The following CHRNG variants were observed in gnomAD, a reference collection of about 807,000 sequenced individuals.
CHRNG encodes cholinergic receptor nicotinic gamma subunit.
In CHRNG, 72 loss-of-function variants were observed where a neutral mutation model predicts 65.2. That is an observed-to-expected ratio of 1.10 (90% CI 0.91 to 1.34). The LOEUF is 1.34. Ranked by LOEUF, CHRNG falls within the 40% of genes most tolerant of loss-of-function variation. The pLI is 0.00. For synonymous variants in CHRNG, 284 were observed against 290.2 expected (o/e 0.98, Z 0.22); for missense variants, 637 against 680.1 (o/e 0.94, Z 0.70).
intron 8 of CHRNG, 97 bp from the exon 9 acceptor site, chr2:232,543,488 C>T: frequency 8.5e-7 from 1 of 1,179,662 alleles, no homozygotes; most frequent in Admixed American, 2.0e-5. Flanking sequence ...CCACCCCCCC[C>T]ATCCTCAATT....
In CHRNG at chr2:232,544,876, C is replaced by G. The variant is rs748268862; in HGVS notation, c.1354C>G (p.Arg452Gly). The change falls in exon 11 of 12, where the codon CGG becomes GGG. Residue 452 changes from arginine to glycine, a missense_variant. Arg to Gly is a moderately radical substitution (Grantham distance 125, BLOSUM62 -2). Transcript: ENST00000651502. ...AGCCTGCAACCTCATTGCCTGTGCC[C>G]GGCACCAGCAGAGTCACTTTGACAA... ...VEACNLIACARHQQSHFDNGN... is the reference protein window; with the variant it reads ...VEACNLIACAGHQQSHFDNGN... The G allele has an allele frequency of 1.9e-6, 3 of 1,613,920 alleles. No individual in the cohort carries two copies. In the East Asian group the frequency reaches 6.7e-5, roughly 36 times the overall value.
At chr2:232,542,086 G>A (rs7594673) in intron 5 of CHRNG, among the ~76,000 whole-genome samples, 36 of 152,240 alleles carry the variant, frequency 2.4e-4, no homozygotes, top group African/African-American at 8.7e-4. Context: ...AGACACGGGG[G>A]TCCTCCTGAG....
chr2:232,543,406 T>C lies in CHRNG; in HGVS notation c.920+17T>C, dbSNP rs1459775539. ...CATCAGCAAGTAAGGCTGGTCTTCA[T>C]GTCCACCCGCCTATGCCACTCTCCC... On this transcript the variant is annotated intron_variant, in intron 8 of 11. Coordinates refer to ENST00000651502, the MANE Select transcript of CHRNG (RefSeq NM_005199.5). The C allele has an allele frequency of 1.3e-6, 2 of 1,556,412 alleles. No homozygotes were observed. Among genetic ancestry groups the C allele is most frequent in the African/African-American group, 1.4e-5 (1 of 73,860 alleles).
chr2:232,542,388 G>C (rs747371344), intron 5 of CHRNG, 35 bp from the exon 6 acceptor site: 6 of 1,450,694 alleles, frequency 4.1e-6, no homozygotes, highest in East Asian at 2.3e-5. Flanking sequence ...AGGTCCACCC[G>C]CTCACATTTA....
In CHRNG at chr2:232,547,092, CT is replaced by C. The variant is rs1559306648; in HGVS notation, c.*1377del. 6.6e-6 allele frequency among the ~76,000 whole-genome samples: 1 copy of C among 152,150 alleles called. No individual in the cohort carries two copies. The highest frequency in any genetic ancestry group is 2.4e-5 in the African/African-American group (1 of 41,448). On this transcript the variant is annotated 3_prime_UTR_variant, in exon 12 of 12. Coordinates refer to ENST00000651502, the MANE Select transcript of CHRNG (RefSeq NM_005199.5). ...ATGCTCCCTGAGGCTGTTCCCTCAT[CT>C]GTAAATAAGGTGCAAAAAATAATCC...
In CHRNG at chr2:232,542,439, A is replaced by G. The variant is rs1692036969; in HGVS notation, c.523A>G (p.Thr175Ala). The G allele has an allele frequency of 6.2e-7, 1 of 1,613,458 alleles. No individual in the cohort carries two copies. The highest frequency in any genetic ancestry group is 1.7e-5 in the Admixed American group (1 of 59,992). ...SLIFQSQTYS[T>A]NEIDLQLSQE... ...GACTCCCAGGTCCCAGACTTACAGC[A>G]CCAATGAGATTGATCTGCAGCTGAG... Residue 175 changes from threonine (T) to alanine (A), a missense_variant, in exon 6 of 12, where the codon ACC becomes GCC. By Grantham distance (58) the Thr-to-Ala change is moderately conservative (BLOSUM62 0). Transcript: ENST00000651502.
chr2:232,542,532 C>T lies in CHRNG; in HGVS notation c.604+12C>T, dbSNP rs1692038976. The T allele has an allele frequency of 6.3e-7, 1 of 1,584,238 alleles. No homozygotes were observed. Among genetic ancestry groups the T allele is most frequent in the Non-Finnish European group, 8.7e-7 (1 of 1,153,334 alleles). Reference sequence around the variant, plus strand: ...TGAGGCCTTCACAGGTAACCCCCACCCAAGGGCTCCCCAGGCAGCCTCATC... The same window carrying T: ...TGAGGCCTTCACAGGTAACCCCCACTCAAGGGCTCCCCAGGCAGCCTCATC... On this transcript the variant is annotated intron_variant, in intron 6 of 11. Coordinates refer to ENST00000651502, the MANE Select transcript of CHRNG (RefSeq NM_005199.5).
chr2:232,540,300 G>A lies in CHRNG; in HGVS notation c.196-81G>A. ...GAGTACTATCAAGAGGCTGGGGGAT[G>A]CTTGGCCCCATTGGTGGCCTGTGGG... On this transcript the variant is annotated intron_variant, in intron 2 of 11. Coordinates refer to ENST00000651502, the MANE Select transcript of CHRNG (RefSeq NM_005199.5). The surrounding 1 kb of genome is among the most constrained non-coding windows in gnomAD (Gnocchi z 4.2). The A allele has an allele frequency of 1.2e-6, 2 of 1,602,424 alleles. No homozygotes were observed. Among genetic ancestry groups the A allele is most frequent in the Non-Finnish European group, 1.7e-6 (2 of 1,169,540 alleles).
chr2:232,545,582 C>T lies in CHRNG; in HGVS notation c.1420C>T (p.Arg474Cys), dbSNP rs199767964. Residue 474 changes from arginine (R) to cysteine (C), a missense_variant, in exon 12 of 12, where the codon CGC (arginine) becomes TGC (cysteine). By Grantham distance (180) the Arg-to-Cys change is radical (BLOSUM62 -3). Transcript: ENST00000651502. ...EWFLVGRVLDRVCFLAMLSLF... is the reference protein window; with the variant it reads ...EWFLVGRVLDCVCFLAMLSLF... The stretch of plus-strand genomic sequence containing the variant: ...GTTCCTGGTGGGCCGAGTGCTGGAC[C>T]GCGTCTGCTTCCTGGCCATGCTCTC... The T allele has an allele frequency of 5.8e-5, 93 of 1,613,934 alleles. No homozygotes were observed. The highest frequency in any genetic ancestry group is 1.1e-4 in the South Asian group (10 of 91,092).
At position 232,546,306 on chromosome 2, in the gene CHRNG, CTCTTTTTTT is replaced by C. The variant is rs1559306258; in HGVS notation, c.*592_*600del. 13 of 132,622 alleles carry C rather than the reference CTCTTTTTTT, an allele frequency of 9.8e-5. No individual in the cohort carries two copies. Among genetic ancestry groups the C allele is most frequent in the South Asian group, 2.4e-4 (1 of 4,152 alleles). The allele number at this position is 132,622 out of a possible 1,614,324, so 8.2% of individuals were successfully genotyped here. ...AGACGATTTCCTGAGTTTTGTAATC[CTCTTTTTTT>C]TTTTTTTTTTTTTAGTTTTTGATGT... On this transcript the variant is annotated 3_prime_UTR_variant, in exon 12 of 12. Coordinates refer to ENST00000651502, the MANE Select transcript of CHRNG (RefSeq NM_005199.5).
At position 232,546,822 on chromosome 2, in the gene CHRNG, A is replaced by G. The variant is rs11688448; in HGVS notation, c.*1106A>G. Among the ~76,000 whole-genome samples the G allele has an allele frequency of 0.18, 26,894 of 152,112 alleles. 2,597 individuals carry two copies. Among genetic ancestry groups the G allele is most frequent in the Middle Eastern group, 0.25 (74 of 292 alleles). ...ACACTCTAAGATTCTACGGCCTGAA[A>G]AACAGGCCCTTCTTCCCAAAGGATG... On this transcript the variant is annotated 3_prime_UTR_variant, in exon 12 of 12. Transcript: ENST00000651502.
intron 10 of CHRNG, 93 bp from the exon 11 acceptor site, chr2:232,544,679 G>A (rs986541144): frequency 4.5e-6 from 7 of 1,568,370 alleles, no homozygotes; most frequent in Non-Finnish European, 6.1e-6. Context: ...CCCAGGTCAG[G>A]GAGAGAGGAG....
rs1347509577 is a variant in CHRNG, at chr2:232,541,245, G to A, written c.351-129G>A. On this transcript the variant is annotated intron_variant, in intron 4 of 11. Transcript: ENST00000651502. This position sits in a 1 kb window ranked among gnomAD's most constrained non-coding sequence, Gnocchi z 4.0. ...AGTGGTCCGGGTGGGAACCAGTCAG[G>A]GGGTGACAGGCTGGTAGGGACTGGT... 2.6e-6 allele frequency: 3 copies of A among 1,168,486 alleles called. No homozygotes were observed. The allele number at this position is 1,168,486 out of a possible 1,614,324, so 72.4% of individuals were successfully genotyped here.
In CHRNG at chr2:232,543,731, C is replaced by T. The variant is rs775496585; in HGVS notation, c.1035+32C>T. Reference sequence around the variant, plus strand: ...ACCCTCCCTGCCCACTTCAACATCCCGCTGCCCACTCCCCTACGCCTCCCT... The same window carrying T: ...ACCCTCCCTGCCCACTTCAACATCCTGCTGCCCACTCCCCTACGCCTCCCT... On this transcript the variant is annotated intron_variant, in intron 9 of 11. Transcript: ENST00000651502. 3.1e-5 allele frequency: 41 copies of T among 1,308,596 alleles called. No homozygotes were observed. The East Asian group carries it at 7.1e-4, about 23-fold the overall frequency. 81.1% of individuals were successfully genotyped at this position (1,308,596 alleles called of 1,614,324 possible).
At position 232,540,150 on chromosome 2, in the gene CHRNG, G is replaced by T; in HGVS notation, c.195+19G>T. On this transcript the variant is annotated intron_variant, in intron 2 of 11. Coordinates refer to ENST00000651502, the MANE Select transcript of CHRNG (RefSeq NM_005199.5). This position sits in a 1 kb window ranked among gnomAD's most constrained non-coding sequence, Gnocchi z 4.2. ...CTCCCTGGTAAGCCGCAGGACGGAG[G>T]AGGGGTCAGCGCACCACGCCCTGGG... The T allele has an allele frequency of 6.2e-7, 1 of 1,614,172 alleles. No homozygotes were observed. The highest frequency in any genetic ancestry group is 8.5e-7 in the Non-Finnish European group (1 of 1,180,002).
chr2:232,543,041 T>C lies in CHRNG; in HGVS notation c.764T>C (p.Ile255Thr). 1 of 1,614,218 alleles carries C rather than the reference T, an allele frequency of 6.2e-7. No individual in the cohort carries two copies. The highest frequency in any genetic ancestry group is 8.5e-7 in the Non-Finnish European group (1 of 1,180,038). The part of the protein sequence containing the change: ...VINIIAPCVL[I>T]SSVAILIHFL... The stretch of plus-strand genomic sequence containing the variant: ...AACATCATCGCCCCCTGTGTGCTCA[T>C]CTCCTCTGTCGCCATCCTCATCCAC... Residue 255 changes from isoleucine (I) to threonine (T), a missense_variant, in exon 7 of 12, where the codon ATC (isoleucine) becomes ACC (threonine). Physicochemically the swap from Ile to Thr is moderately conservative, Grantham distance 89. Coordinates refer to ENST00000651502, the MANE Select transcript of CHRNG (RefSeq NM_005199.5).
chr2:232,541,703 A>AAGCTCT lies in CHRNG; in HGVS notation c.506+175_506+180dup. 1.4e-6 allele frequency: 1 copy of AAGCTCT among 737,424 alleles called. No individual in the cohort carries two copies. The highest frequency in any genetic ancestry group is 2.3e-6 in the Non-Finnish European group (1 of 436,110). 45.7% of individuals were successfully genotyped at this position (737,424 alleles called of 1,614,324 possible). On this transcript the variant is annotated intron_variant, in intron 5 of 11. Transcript: ENST00000651502. This position sits in a 1 kb window ranked among gnomAD's most constrained non-coding sequence, Gnocchi z 4.0. Reference sequence around the variant, plus strand: ...CAGGCTAAGACACCTGAAGGTGCCCAAGCTCTCCCTGCTAAGCCCGAGTCC... The same window carrying AAGCTCT: ...CAGGCTAAGACACCTGAAGGTGCCCAAGCTCTAGCTCTCCCTGCTAAGCCCGAGTCC...
Position 232,542,879 on chromosome 2 carries a change from CAG to C in CHRNG, c.606_607del, listed in dbSNP as rs757198225. 3 of 1,612,502 alleles carry C rather than the reference CAG, an allele frequency of 1.9e-6. No individual in the cohort carries two copies. The highest frequency in any genetic ancestry group is 2.5e-6 in the Non-Finnish European group (3 of 1,179,750). On this transcript the variant is annotated splice_acceptor_variant, in intron 6 of 11. Transcript: ENST00000651502. LOFTEE classifies it high-confidence loss of function. ...CCACTCCTGCCTGCCTGCCTGCCCG[CAG>C]AGAATGGGGAGTGGGCCATCCAGCA...
intron 8 of CHRNG, 28 bp from the exon 9 acceptor site, chr2:232,543,557 C>G: frequency 6.8e-7 from 1 of 1,464,416 alleles, no homozygotes; most frequent in Non-Finnish European, 9.6e-7. Context: ...GTATGGGCTG[C>G]CAGCTCCTGC....
Sources: gnomAD v4.1 joint callset for allele counts (sites outside exome capture counted in the v4.1 genomes callset) on GRCh38, gnomAD v4.1.1 for gene constraint, Gnocchi (gnomAD v3.1) non-coding constraint, MANE v1.5 for transcripts, NCBI Gene and HGNC (gene_info 2026-07-23, HGNC 2026-07-21) for gene names.